Variants in RBMS1 observed in about 807,000 individuals in gnomAD.
The protein encoded by RBMS1 is RNA binding motif single stranded interacting protein 1, also known as RNA-binding motif, single-stranded-interacting protein 1.
Under a neutral mutation model 62.3 loss-of-function variants are expected in RBMS1, and 17 were observed. The ratio of observed to expected loss-of-function variants is 0.27; its 90% CI spans 0.19 to 0.41. The LOEUF (loss-of-function observed/expected upper bound fraction) is 0.41, where lower values mean the gene tolerates loss of function less well. Among genes scored for constraint, RBMS1 ranks in the 10% least tolerant of loss-of-function variants. RBMS1 has a pLI of 1.00. For missense variants in RBMS1, 334 were observed against 504.5 expected, an observed-to-expected ratio of 0.66 and a Z score of 3.24; for synonymous variants, 172 against 170.0, an observed-to-expected ratio of 1.01 and a Z score of -0.09.
chr2:160,374,717 G>T (rs1693902777), intron 1 of RBMS1, among the ~76,000 whole-genome samples: 1 of 152,138 alleles, frequency 6.6e-6, no homozygotes, highest in African/African-American at 2.4e-5. Context: ...ATCACCTGAG[G>T]TCGGGAGTTC....
At chr2:160,433,675 T>A (rs1356852102) in intron 1 of RBMS1, among the ~76,000 whole-genome samples, 1 of 152,234 alleles carries the variant, frequency 6.6e-6, no homozygotes, top group Non-Finnish European at 1.5e-5. Flanking sequence ...TAAGCCACAC[T>A]GCCTACATAA....
chr2:160,472,737 A>G (rs1417757638), intron 1 of RBMS1, among the ~76,000 whole-genome samples: 4 of 152,364 alleles, frequency 2.6e-5, no homozygotes, highest in South Asian at 2.1e-4. Context: ...TGCAAACAAT[A>G]TAAGTATTGC....
At position 160,367,292 on chromosome 2, in the gene RBMS1, G is replaced by A; in HGVS notation, c.175C>T (p.Leu59Phe). ...SSSSNSGWDQLSKTNLYIRGL... is the reference protein window; with the variant it reads ...SSSSNSGWDQFSKTNLYIRGL... ...CGGATATAGAGGTTCGTTTTGCTGA[G>A]CTGATCCCATCCTGAGTTGCTACTG... The change falls in exon 2 of 14, where the codon CTC (leucine) becomes TTC (phenylalanine). Residue 59 changes from leucine to phenylalanine, a missense_variant. This residue lies in a region of RBMS1 where 150 missense variants were observed against 228.0 expected (regional missense o/e 0.66). Coordinates refer to ENST00000348849, the MANE Select transcript of RBMS1 (RefSeq NM_016836.4). The A allele has an allele frequency of 6.2e-7, 1 of 1,614,072 alleles. No homozygotes were observed. Among genetic ancestry groups the A allele is most frequent in the Non-Finnish European group, 8.5e-7 (1 of 1,180,010 alleles).
intron 11 of RBMS1, chr2:160,278,158 A>C (rs972759239): frequency 1.8e-5 from 4 of 216,444 alleles, no homozygotes; most frequent in Non-Finnish European, 3.7e-5. Context: ...ACCATGATTC[A>C]ATACTCCCAA....
At chr2:160,387,309 G>A (rs2105202517) in intron 1 of RBMS1, among the ~76,000 whole-genome samples, 1 of 151,888 alleles carries the variant, frequency 6.6e-6, no homozygotes, top group South Asian at 2.1e-4. Context: ...TTATTTTAAT[G>A]ATTTTTTTTT....
intron 1 of RBMS1, among the ~76,000 whole-genome samples, chr2:160,466,863 T>C (rs984214857): frequency 6.6e-6 from 1 of 152,224 alleles, no homozygotes; most frequent in Non-Finnish European, 1.5e-5. Context: ...ACCTGCCATA[T>C]GACCTTGGGC....
intron 1 of RBMS1, among the ~76,000 whole-genome samples, chr2:160,476,196 T>TA (rs1403601607): frequency 1.3e-5 from 2 of 152,152 alleles, no homozygotes; most frequent in East Asian, 3.9e-4. Flanking sequence ...TTCATGATAT[T>TA]TAACTTAAGA....
At chr2:160,380,433 C>T (rs1231937716) in intron 1 of RBMS1, among the ~76,000 whole-genome samples, 1 of 152,154 alleles carries the variant, frequency 6.6e-6, no homozygotes, top group Non-Finnish European at 1.5e-5. Flanking sequence ...ACGCCAGGAC[C>T]TCAAAGCGAA....
At chr2:160,315,434 C>T (rs2105966687) in intron 3 of RBMS1, among the ~76,000 whole-genome samples, 1 of 152,294 alleles carries the variant, frequency 6.6e-6, no homozygotes, top group Admixed American at 6.5e-5. Flanking sequence ...CTCACTGAGG[C>T]TTCCCAGGAG....
intron 2 of RBMS1, among the ~76,000 whole-genome samples, chr2:160,343,365 C>A (rs939723328): frequency 4.6e-5 from 7 of 152,184 alleles, no homozygotes; most frequent in Admixed American, 1.3e-4. Context: ...AAATGACAGA[C>A]TGATTTTAGT....
At chr2:160,324,228 C>T (rs1036047301) in intron 2 of RBMS1, among the ~76,000 whole-genome samples, 8 of 152,066 alleles carry the variant, frequency 5.3e-5, no homozygotes, top group African/African-American at 1.9e-4. Context: ...AATGTATAAA[C>T]GTATGTGTGT....
intron 1 of RBMS1, among the ~76,000 whole-genome samples, chr2:160,487,298 C>T (rs1685636777): frequency 6.6e-6 from 1 of 152,220 alleles, no homozygotes; most frequent in African/African-American, 2.4e-5. Context: ...CTACATATAT[C>T]TTAGTGCCTT....
intron 1 of RBMS1, among the ~76,000 whole-genome samples, chr2:160,480,932 T>C (rs1457636271): frequency 6.6e-6 from 1 of 151,516 alleles, no homozygotes; most frequent in African/African-American, 2.4e-5. Context: ...TACAAAAAAA[T>C]TACCCAGGCA....
chr2:160,296,435 A>T (rs1045430427), intron 6 of RBMS1, among the ~76,000 whole-genome samples: 1 of 152,240 alleles, frequency 6.6e-6, no homozygotes, highest in Non-Finnish European at 1.5e-5. Flanking sequence ...TTTCTCTATG[A>T]AATGAAAAGC....
intron 3 of RBMS1, among the ~76,000 whole-genome samples, chr2:160,315,820 C>G (rs1190417019): frequency 6.6e-6 from 1 of 152,128 alleles, no homozygotes; most frequent in African/African-American, 2.4e-5. Flanking sequence ...TTGAGAGAAA[C>G]TGAAATGTAA....
chr2:160,444,264 C>T (rs1683548342), intron 1 of RBMS1, among the ~76,000 whole-genome samples: 1 of 152,110 alleles, frequency 6.6e-6, no homozygotes, highest in Admixed American at 6.5e-5. Flanking sequence ...TATCAAGATT[C>T]ATGGAGAAAT....
At chr2:160,319,434 C>T (rs1690422685) in intron 2 of RBMS1, among the ~76,000 whole-genome samples, 1 of 152,140 alleles carries the variant, frequency 6.6e-6, no homozygotes, top group East Asian at 1.9e-4. Flanking sequence ...ATCGCATGAA[C>T]CGGGGAGGCG....
At chr2:160,286,887 T>C (rs1418121193) in intron 7 of RBMS1, 82 bp downstream of exon 7, 1 of 1,597,042 alleles carries the variant, frequency 6.3e-7, no homozygotes. Context: ...CAAGTCAAGA[T>C]GCCTTTTTGT....
At chr2:160,439,141 G>A (rs1460365897) in intron 1 of RBMS1, among the ~76,000 whole-genome samples, 1 of 147,896 alleles carries the variant, frequency 6.8e-6, no homozygotes, top group African/African-American at 2.5e-5. Context: ...GCCGGGCGGG[G>A]GGCTGATCCC....
Sources: gnomAD v4.1 joint callset for allele counts (sites outside exome capture counted in the v4.1 genomes callset) on GRCh38, gnomAD v4.1.1 for gene constraint, gnomAD v4.1.1 regional missense constraint, MANE v1.5 for transcripts, NCBI Gene and HGNC (gene_info 2026-07-23, HGNC 2026-07-21) for gene names.